The following SYTL4 variants were observed in gnomAD, a reference collection of about 807,000 sequenced individuals.
The protein encoded by SYTL4 is synaptotagmin like 4.
Under a neutral mutation model 52.7 loss-of-function variants are expected in SYTL4, and 16 were observed. That is an observed-to-expected ratio of 0.30 (90% CI 0.21 to 0.46). The LOEUF (loss-of-function observed/expected upper bound fraction) is 0.46. Among genes scored for constraint, SYTL4 ranks in the 20% least tolerant of loss-of-function variants. The pLI, the probability that SYTL4 is intolerant of heterozygous loss-of-function variation, is 1.00. For missense variants in SYTL4, 423 were observed against 519.9 expected, an observed-to-expected ratio of 0.81 and a Z score of 1.81; for synonymous variants, 160 against 186.6, an observed-to-expected ratio of 0.86 and a Z score of 1.16.
At chrX:100,681,131 G>T in intron 17 of SYTL4, 96 bp downstream of exon 17, 4 of 676,893 alleles carry the variant, frequency 5.9e-6, no homozygotes, top group South Asian at 2.4e-5. Flanking sequence ...ATCCCAATTT[G>T]GTCTCTCCAA....
chrX:100,714,587 C>T (rs1235436998), intron 2 of SYTL4, among the ~76,000 whole-genome samples: 3 of 111,639 alleles, frequency 2.7e-5, no homozygotes, highest in African/African-American at 9.8e-5. Flanking sequence ...ATAAACAATA[C>T]AGAGTAGGTT....
chrX:100,690,065 A>C lies in SYTL4; in HGVS notation c.808+10T>G. On this transcript the variant is annotated intron_variant, in intron 11 of 19. Coordinates refer to ENST00000372989, the MANE Select transcript of SYTL4 (RefSeq NM_001370165.1). ...TCAGTCCTGAAAGACCAGTAAGGGA[A>C]ACCAGTTACCTGAAGGCCTGAGGAT... is the stretch of plus-strand genomic sequence containing the variant. 1 of 1,203,673 alleles carries C rather than the reference A, an allele frequency of 8.3e-7. No homozygotes were observed. The highest frequency in any genetic ancestry group is 1.1e-6 in the Non-Finnish European group (1 of 888,361).
Position 100,674,769 on chromosome X carries a change from G to A in SYTL4, c.*1259C>T, listed in dbSNP as rs991691291. The stretch of plus-strand genomic sequence containing the variant: ...ATACACTCCTTCCACACACAACTTT[G>A]GGTAGAAACGCTTATGAGAATAGAA... On this transcript the variant is annotated 3_prime_UTR_variant, in exon 20 of 20. Transcript: ENST00000372989. 1 of 111,763 alleles carries A rather than the reference G, an allele frequency of 8.9e-6. No individual in the cohort carries two copies. The highest frequency in any genetic ancestry group is 1.9e-5 in the Non-Finnish European group (1 of 53,201). 9.2% of individuals were successfully genotyped at this position (111,763 alleles called of 1,213,427 possible).
At chrX:100,692,196 C>T (rs1351172456) in intron 8 of SYTL4, among the ~76,000 whole-genome samples, 1 of 111,816 alleles carries the variant, frequency 8.9e-6, no homozygotes, top group Non-Finnish European at 1.9e-5. Context: ...AGTAACCTTC[C>T]TCTGTGCTCC....
At chrX:100,712,818 GA>G (rs1429967804) in intron 2 of SYTL4, among the ~76,000 whole-genome samples, 3 of 111,865 alleles carry the variant, frequency 2.7e-5, no homozygotes, top group Non-Finnish European at 5.6e-5. Flanking sequence ...ACAATGATAT[GA>G]ATAGACAAAA....
intron 2 of SYTL4, among the ~76,000 whole-genome samples, chrX:100,713,219 C>T (rs746188388): frequency 1.3e-4 from 15 of 112,066 alleles, no homozygotes; most frequent in African/African-American, 2.6e-4. Flanking sequence ...CCAAGGTGGG[C>T]GGATCGCTTG....
At chrX:100,722,048 C>T (rs981707098) in intron 2 of SYTL4, among the ~76,000 whole-genome samples, 1 of 110,884 alleles carries the variant, frequency 9.0e-6, no homozygotes, top group Admixed American at 9.6e-5. Flanking sequence ...GTGATCCACC[C>T]GCCTCAGCCT....
chrX:100,728,804 G>A (rs777307986), intron 2 of SYTL4, among the ~76,000 whole-genome samples: 3 of 111,659 alleles, frequency 2.7e-5, no homozygotes, highest in South Asian at 3.8e-4. Flanking sequence ...TTGGGAGGCC[G>A]AGGAGGGCAG....
Position 100,675,986 on chromosome X carries a change from C to T in SYTL4, c.*42G>A, listed in dbSNP as rs765447537. 2.8e-5 allele frequency: 33 copies of T among 1,185,045 alleles called. No individual in the cohort carries two copies. Among genetic ancestry groups the T allele is most frequent in the South Asian group, 1.5e-4 (8 of 53,326 alleles). ...CTCTTGATTTCTTCACTTCCTCTGACCTGCCCTCGCCAGGGCTGGACCTGC... is the reference window on the plus strand; with the variant it reads ...CTCTTGATTTCTTCACTTCCTCTGATCTGCCCTCGCCAGGGCTGGACCTGC... On this transcript the variant is annotated 3_prime_UTR_variant, in exon 20 of 20. Transcript: ENST00000372989.
At chrX:100,691,343 T>C in intron 8 of SYTL4, 134 bp from the exon 9 acceptor site, 2 of 420,100 alleles carry the variant, frequency 4.8e-6, no homozygotes, top group Non-Finnish European at 8.2e-6. Flanking sequence ...TTTAAACATA[T>C]AATAAATTAA....
At chrX:100,696,646 G>A (rs1301672992) in intron 8 of SYTL4, among the ~76,000 whole-genome samples, 1 of 110,552 alleles carries the variant, frequency 9.0e-6, no homozygotes, top group Non-Finnish European at 1.9e-5. Flanking sequence ...CACTTAACAT[G>A]TTTATAGTAT....
At chrX:100,701,887 G>A (rs375279891) in intron 5 of SYTL4, 41 bp downstream of exon 5, 2 of 1,057,937 alleles carry the variant, frequency 1.9e-6, no homozygotes, top group Non-Finnish European at 2.6e-6. Context: ...GACATCATTG[G>A]TCAAAGGCCT....
chrX:100,687,244 C>G lies in SYTL4; in HGVS notation c.1007G>C (p.Ser336Thr). 8.3e-7 allele frequency: 1 copy of G among 1,209,387 alleles called. No homozygotes were observed. The change falls in exon 14 of 20, where the codon AGT becomes ACT. Residue 336 changes from serine (S) to threonine (T), a missense_variant and splice_region_variant. Transcript: ENST00000372989. ...GATGCTCATCATGCTGCCGATCGTA[C>G]TCTGAAGATAAAGCACCCACGAACA... ...RSSMQSGSSM[S>T]TIGSMMSIYS...
intron 10 of SYTL4, 60 bp from the exon 11 acceptor site, chrX:100,690,225 G>T: frequency 1.2e-6 from 1 of 853,621 alleles, no homozygotes; most frequent in Non-Finnish European, 1.7e-6. Context: ...GAAGGAGTGA[G>T]TAAGGAAGGA....
In SYTL4 at chrX:100,676,091, C is replaced by T. The variant is rs779981518; in HGVS notation, c.1953G>A (p.Gly651=). 1 of 1,211,113 alleles carries T rather than the reference C, an allele frequency of 8.3e-7. No individual in the cohort carries two copies. The highest frequency in any genetic ancestry group is 2.2e-5 in the Admixed American group (1 of 45,967). Residue 651 remains glycine, a synonymous_variant, in exon 20 of 20, where the codon GGG becomes GGA. Transcript: ENST00000372989. ...SLWQKMRQYP[G]SWAEGTLQLR... ...GCTGCAGAGTCCCTTCTGCCCAAGA[C>T]CCTGGGTACTGTCGCATCTTCTGCC...
In SYTL4 at chrX:100,674,567, C is replaced by T. The variant is rs2083248074; in HGVS notation, c.*1461G>A. ...GGAAACAAAAGAGCAAGTTACAGCC[C>T]GGGATCCCAAGTTATGCCTTCCATT... On this transcript the variant is annotated 3_prime_UTR_variant, in exon 20 of 20. Coordinates refer to ENST00000372989, the MANE Select transcript of SYTL4 (RefSeq NM_001370165.1). 1 of 112,104 alleles carries T rather than the reference C, an allele frequency of 8.9e-6. No individual in the cohort carries two copies. The highest frequency in any genetic ancestry group is 3.2e-5 in the African/African-American group (1 of 30,775). The allele number at this position is 112,104 out of a possible 1,213,427, so 9.2% of individuals were successfully genotyped here. A position where few individuals can be genotyped will look rare whatever the true frequency, so the allele number is the denominator to read the frequency against.
At chrX:100,716,450 C>CAAAAAAAAAAAAA (rs200368843) in intron 2 of SYTL4, among the ~76,000 whole-genome samples, 11 of 25,769 alleles carry the variant, frequency 4.3e-4, no homozygotes, top group Non-Finnish European at 6.1e-4. Context: ...AACTCCATCT[C>CAAAAAAAAAAAAA]AAAAAAAAAA....
At chrX:100,715,476 C>T (rs2084182683) in intron 2 of SYTL4, among the ~76,000 whole-genome samples, 1 of 111,906 alleles carries the variant, frequency 8.9e-6, no homozygotes, top group South Asian at 3.7e-4. Context: ...GGAAACTATT[C>T]TACAAATTGC....
chrX:100,729,325 A>G (rs2084591233), intron 2 of SYTL4, among the ~76,000 whole-genome samples: 1 of 111,718 alleles, frequency 9.0e-6, no homozygotes, highest in Non-Finnish European at 1.9e-5. Flanking sequence ...CTACTGGTGA[A>G]TACAACAGAC....
Sources: gnomAD v4.1 joint callset for allele counts (sites outside exome capture counted in the v4.1 genomes callset) on GRCh38, gnomAD v4.1.1 for gene constraint, MANE v1.5 for transcripts, NCBI Gene and HGNC (gene_info 2026-07-23, HGNC 2026-07-21) for gene names.